ANXA2: variants seen among roughly 807,000 people sequenced by gnomAD.
ANXA2 encodes annexin II.
A neutral mutation model predicts 47.3 loss-of-function variants in ANXA2; 28 were observed. That is an observed-to-expected ratio of 0.59 (90% confidence interval 0.44 to 0.81). ANXA2 has a LOEUF of 0.81. ANXA2 is among the 40% of genes least tolerant of loss of function. The pLI is 0.00. For missense variants in ANXA2, 384 were observed against 414.3 expected (o/e 0.93, Z 0.64); for synonymous variants, 172 against 155.5 (o/e 1.11, Z -0.79).
intron 3 of ANXA2, among the ~76,000 whole-genome samples, chr15:60,381,376 G>A (rs2062855613): frequency 6.6e-6 from 1 of 152,136 alleles, no homozygotes; most frequent in South Asian, 2.1e-4. Flanking sequence ...ATCCAAGGGG[G>A]GAAAAGTGGA....
chr15:60,390,322 A>T, intron 1 of ANXA2: 7 of 1,028,040 alleles, frequency 6.8e-6, no homozygotes, highest in Non-Finnish European at 8.5e-6. Context: ...TTCACCCTAG[A>T]AATAAAATAT....
At chr15:60,372,260 G>T (rs904354151) in intron 3 of ANXA2, among the ~76,000 whole-genome samples, 1 of 152,044 alleles carries the variant, frequency 6.6e-6, no homozygotes, top group Non-Finnish European at 1.5e-5. Flanking sequence ...CCCATCTGAG[G>T]TGGGTGCCAT....
intron 3 of ANXA2, among the ~76,000 whole-genome samples, chr15:60,369,365 T>C (rs528108789): frequency 6.6e-6 from 1 of 152,360 alleles, no homozygotes; most frequent in South Asian, 2.1e-4. Flanking sequence ...ACCACTTGTT[T>C]ATTAACGTGT....
chr15:60,360,124 C>T (rs887465336), intron 5 of ANXA2, among the ~76,000 whole-genome samples: 5 of 152,084 alleles, frequency 3.3e-5, no homozygotes, highest in African/African-American at 7.2e-5. Context: ...GGCGTAGTGG[C>T]GCATGCCTGT....
intron 3 of ANXA2, among the ~76,000 whole-genome samples, chr15:60,373,154 T>A (rs751808334): frequency 1.3e-5 from 2 of 152,202 alleles, no homozygotes; most frequent in Non-Finnish European, 2.9e-5. Context: ...CTACAAAGGA[T>A]ATGGTACAAT....
At position 60,392,133 on chromosome 15, in the gene ANXA2, A is replaced by G. The variant is rs142679495; in HGVS notation, c.-12+5810T>C. On this transcript the variant is annotated intron_variant, in intron 1 of 12. Coordinates refer to ENST00000451270, the MANE Select transcript of ANXA2 (RefSeq NM_004039.3). ...AAAATCATTCACTACTTGGGTAGGAAAACAGGTCACTTGGCCCCACCCTAA... is the reference window on the plus strand; with the variant it reads ...AAAATCATTCACTACTTGGGTAGGAGAACAGGTCACTTGGCCCCACCCTAA... 5.5e-3 allele frequency among the ~76,000 whole-genome samples: 838 copies of G among 152,300 alleles called. 4 individuals carry two copies. The highest frequency in any genetic ancestry group is 0.02 in the African/African-American group (811 of 41,556).
At chr15:60,377,067 C>T (rs1196179114) in intron 3 of ANXA2, among the ~76,000 whole-genome samples, 1 of 152,224 alleles carries the variant, frequency 6.6e-6, no homozygotes, top group Non-Finnish European at 1.5e-5. Context: ...ATACCGTGTC[C>T]TTTGATGTCA....
chr15:60,353,415 C>A (rs894079065), intron 8 of ANXA2, among the ~76,000 whole-genome samples: 1 of 152,198 alleles, frequency 6.6e-6, no homozygotes, highest in Non-Finnish European at 1.5e-5. Context: ...CTGCTTCCCA[C>A]CTGCCTGCCT....
chr15:60,380,714 G>C (rs758284432), intron 3 of ANXA2, among the ~76,000 whole-genome samples: 28 of 135,676 alleles, frequency 2.1e-4, no homozygotes, highest in Non-Finnish European at 3.0e-4. Flanking sequence ...TGAGGCAGAA[G>C]AATCACTTGA....
At chr15:60,390,412 G>T in intron 1 of ANXA2, 1 of 561,194 alleles carries the variant, frequency 1.8e-6, no homozygotes, top group Non-Finnish European at 3.2e-6. Flanking sequence ...TCTGTAAGAA[G>T]TGTGGCAAGC....
At chr15:60,360,238 A>G (rs1158686895) in intron 5 of ANXA2, among the ~76,000 whole-genome samples, 1 of 152,184 alleles carries the variant, frequency 6.6e-6, no homozygotes, top group African/African-American at 2.4e-5. Context: ...CCTGGGCAAC[A>G]AGAGCGAAAT....
rs531566549 is a variant in ANXA2, at chr15:60,372,712, T to C, written c.149-8189A>G. ...CTTTCCTTTTTTTTTTTTTTTTTTTTAAACAGGGTCTCACTCTGTTGACCA... is the reference window on the plus strand; with the variant it reads ...CTTTCCTTTTTTTTTTTTTTTTTTTCAAACAGGGTCTCACTCTGTTGACCA... On this transcript the variant is annotated intron_variant, in intron 3 of 12. Transcript: ENST00000451270. Among the ~76,000 whole-genome samples, 1,087 of 149,148 alleles carry C rather than the reference T, an allele frequency of 7.3e-3. 9 individuals are homozygous for C. Among genetic ancestry groups the C allele is most frequent in the African/African-American group, 0.025 (1,022 of 40,578 alleles).
At chr15:60,353,488 G>C (rs1014788902) in intron 8 of ANXA2, among the ~76,000 whole-genome samples, 1 of 152,182 alleles carries the variant, frequency 6.6e-6, no homozygotes, top group Non-Finnish European at 1.5e-5. Context: ...AGCAAAGCCT[G>C]AGTGAGCATA....
chr15:60,376,060 T>G (rs1198343801), intron 3 of ANXA2, among the ~76,000 whole-genome samples: 1 of 152,100 alleles, frequency 6.6e-6, no homozygotes, highest in Non-Finnish European at 1.5e-5. Flanking sequence ...CTGTAAAGGC[T>G]GAAGCAGGGA....
chr15:60,355,624 C>A (rs111363319), intron 7 of ANXA2: 5 of 470,410 alleles, frequency 1.1e-5, no homozygotes, highest in African/African-American at 7.9e-5. Context: ...GCAAAGTGAC[C>A]TTCCCTAAGT....
intron 11 of ANXA2, 108 bp downstream of exon 11, chr15:60,351,085 A>G (rs1895986612): frequency 1.8e-6 from 2 of 1,124,174 alleles, no homozygotes; most frequent in Non-Finnish European, 2.7e-6. Context: ...CTGCATCCAC[A>G]CAGTGGGGTC....
At chr15:60,378,504 A>G (rs1226476386) in intron 3 of ANXA2, among the ~76,000 whole-genome samples, 1 of 152,194 alleles carries the variant, frequency 6.6e-6, no homozygotes, top group African/African-American at 2.4e-5. Context: ...GTCTTTCACT[A>G]CCATAACCAA....
Position 60,357,255 on chromosome 15 carries a change from G to T in ANXA2, c.358-19C>A. 6.2e-7 allele frequency: 1 copy of T among 1,604,040 alleles called. No individual in the cohort carries two copies. The highest frequency in any genetic ancestry group is 1.1e-5 in the South Asian group (1 of 90,830). On this transcript the variant is annotated intron_variant, in intron 5 of 12. Coordinates refer to ENST00000451270, the MANE Select transcript of ANXA2 (RefSeq NM_004039.3). ...CCAGCCCCTGTGAACCAGGAAGCACGAACATCAGCAGGGAAATGCTTCCCC... is the reference window on the plus strand; with the variant it reads ...CCAGCCCCTGTGAACCAGGAAGCACTAACATCAGCAGGGAAATGCTTCCCC...
intron 5 of ANXA2, 38 bp from the exon 6 acceptor site, chr15:60,357,274 C>A (rs1566933116): frequency 6.4e-7 from 1 of 1,554,128 alleles, no homozygotes; most frequent in East Asian, 2.2e-5. Flanking sequence ...CAGGGAAATG[C>A]TTCCCCACCA....
Sources: allele counts gnomAD v4.1 joint callset (sites outside exome capture counted in the v4.1 genomes callset), GRCh38; gene constraint gnomAD v4.1.1; transcripts MANE v1.5; gene names NCBI Gene and HGNC (gene_info 2026-07-23, HGNC 2026-07-21).